DCC: variants seen among roughly 807,000 people sequenced by gnomAD.
The protein encoded by DCC is DCC netrin 1 receptor.
Under a neutral mutation model 172.5 loss-of-function variants are expected in DCC, and 58 were observed. The observed-to-expected ratio is 0.34, with a 90% CI of 0.27 to 0.42. DCC has a LOEUF of 0.42. Among genes scored for constraint, DCC ranks in the 10% least tolerant of loss-of-function variants. The probability of loss-of-function intolerance (pLI) is 1.00; values close to 1 mark genes in which losing one functional copy is unlikely to be tolerated. For synonymous variants in DCC, 709 were observed against 644.5 expected (o/e 1.10, Z -1.52); for missense variants, 1,740 against 1,791.0 (o/e 0.97, Z 0.51).
chr18:53,261,520 C>G (rs1449457622), intron 12 of DCC, among the ~76,000 whole-genome samples: 1 of 152,104 alleles, frequency 6.6e-6, no homozygotes, highest in African/African-American at 2.4e-5. Context: ...CTGATAGGCT[C>G]ACTGTTCCTG....
intron 8 of DCC, among the ~76,000 whole-genome samples, chr18:53,168,583 TA>T (rs1024603828): frequency 3.5e-5 from 4 of 114,932 alleles, no homozygotes; most frequent in African/African-American, 1.3e-4. Context: ...GCGGGGGGGC[TA>T]GGGGAGGGAT....
intron 14 of DCC, among the ~76,000 whole-genome samples, chr18:53,327,701 A>G (rs12959829): frequency 0.1 from 15,637 of 152,146 alleles, 865 homozygotes; most frequent in Middle Eastern, 0.19. Flanking sequence ...TTCGCTGCAA[A>G]TTCATTTCAT....
chr18:52,367,969 A>G (rs1013334644), intron 1 of DCC, among the ~76,000 whole-genome samples: 5 of 152,232 alleles, frequency 3.3e-5, no homozygotes, highest in Non-Finnish European at 7.3e-5. Flanking sequence ...GTTCCAGTCC[A>G]GATAGTGACA....
rs62083449 is a variant in DCC, at chr18:52,657,896, T to G, written c.92-94158T>G. Among the ~76,000 whole-genome samples, 1,460 of 152,270 alleles carry G rather than the reference T, an allele frequency of 9.6e-3. 13 individuals carry two copies. The highest frequency in any genetic ancestry group is 0.016 in the Non-Finnish European group (1,097 of 68,008). ...CACTTAACCTCTCTGGATCTCAACT[T>G]TCATGGTAAAAGTGATACAGATGAA... On this transcript the variant is annotated intron_variant, in intron 1 of 28. Coordinates refer to ENST00000442544, the MANE Select transcript of DCC (RefSeq NM_005215.4).
chr18:52,831,966 AAG>A (rs1399501814), intron 2 of DCC, among the ~76,000 whole-genome samples: 1 of 152,178 alleles, frequency 6.6e-6, no homozygotes, highest in Non-Finnish European at 1.5e-5. Context: ...ATGATTTAAA[AAG>A]AATTTTTAAA....
At chr18:53,019,947 T>C (rs1469743862) in intron 5 of DCC, among the ~76,000 whole-genome samples, 1 of 152,092 alleles carries the variant, frequency 6.6e-6, no homozygotes, top group Non-Finnish European at 1.5e-5. Flanking sequence ...TTAGAGAAAA[T>C]GGCATTTCCT....
At chr18:52,903,882 T>A (rs1005357651) in intron 2 of DCC, among the ~76,000 whole-genome samples, 1 of 152,238 alleles carries the variant, frequency 6.6e-6, no homozygotes. Context: ...ATTAACGTAC[T>A]TCTTTGGAAT....
intron 1 of DCC, among the ~76,000 whole-genome samples, chr18:52,461,014 C>G (rs8084816): frequency 1.6e-4 from 24 of 152,234 alleles, no homozygotes; most frequent in African/African-American, 5.5e-4. Flanking sequence ...AATTCTTTTG[C>G]TTTATAAACT....
In DCC at chr18:52,726,027, G is replaced by C. The variant is rs2036546520; in HGVS notation, c.92-26027G>C. Among the ~76,000 whole-genome samples, 6 of 152,184 alleles carry C rather than the reference G, an allele frequency of 3.9e-5. 1 individual carries two copies. The highest frequency in any genetic ancestry group is 3.9e-4 in the Admixed American group (6 of 15,270). ...AAAGATAAATAAATGGAAGGACAGA[G>C]AGATTAAACTAACTGCTCAAGGTCA... On this transcript the variant is annotated intron_variant, in intron 1 of 28. Transcript: ENST00000442544.
chr18:53,479,211 C>A (rs2045803227), intron 25 of DCC, among the ~76,000 whole-genome samples: 1 of 152,186 alleles, frequency 6.6e-6, no homozygotes, highest in South Asian at 2.1e-4. Context: ...TTACCTAATA[C>A]ATGATTTTAA....
chr18:52,524,337 A>C (rs2031913533), intron 1 of DCC, among the ~76,000 whole-genome samples: 1 of 152,216 alleles, frequency 6.6e-6, no homozygotes, highest in Admixed American at 6.5e-5. Flanking sequence ...TACAAAAAAT[A>C]TTCTAACAAA....
intron 2 of DCC, among the ~76,000 whole-genome samples, chr18:52,839,489 GA>G (rs1163645237): frequency 1.3e-5 from 2 of 152,142 alleles, no homozygotes; most frequent in Non-Finnish European, 2.9e-5. Flanking sequence ...CTCATTACAG[GA>G]AATGATTGCA....
chr18:52,875,687 C>G (rs939688752), intron 2 of DCC, among the ~76,000 whole-genome samples: 1 of 152,182 alleles, frequency 6.6e-6, no homozygotes, highest in African/African-American at 2.4e-5. Flanking sequence ...CCCTCATAAA[C>G]CCTGGGAGGC....
chr18:52,508,285 G>A (rs1145257), intron 1 of DCC, among the ~76,000 whole-genome samples: 50,379 of 151,884 alleles, frequency 0.33, 8,427 homozygotes, highest in East Asian at 0.37. Context: ...TGTAGTTATA[G>A]ATGTATTGGG....
Position 52,510,118 on chromosome 18 carries a change from TC to T in DCC, c.91+169241del, listed in dbSNP as rs1245471857. ...AAATTCTGTCCCCCCTGCATCCCCTTCAAAAAAAAAAAAAAAAGTCTAGTTA... is the reference window on the plus strand; with the variant it reads ...AAATTCTGTCCCCCCTGCATCCCCTTAAAAAAAAAAAAAAAAGTCTAGTTA... On this transcript the variant is annotated intron_variant, in intron 1 of 28. Transcript: ENST00000442544. Among the ~76,000 whole-genome samples, 21 of 114,760 alleles carry T rather than the reference TC, an allele frequency of 1.8e-4. No individual in the cohort carries two copies. The East Asian group carries it at 3.0e-3, about 16-fold the overall frequency. The allele number at this position is 114,760 out of a possible 152,430, so 75.3% of individuals were successfully genotyped here.
At chr18:53,429,230 G>A (rs72916471) in intron 21 of DCC, among the ~76,000 whole-genome samples, 60,678 of 141,906 alleles carry the variant, frequency 0.43, 14,787 homozygotes, top group Non-Finnish European at 0.55. Context: ...AAATAATGCA[G>A]TATTTGTAAA....
intron 15 of DCC, among the ~76,000 whole-genome samples, chr18:53,365,156 A>G (rs1419943329): frequency 6.7e-6 from 1 of 149,464 alleles, no homozygotes; most frequent in Non-Finnish European, 1.5e-5. Context: ...ATTCCCACCT[A>G]TGAGTGAGAA....
intron 11 of DCC, among the ~76,000 whole-genome samples, chr18:53,208,103 ATG>A (rs1276280565): frequency 3.4e-5 from 5 of 145,008 alleles, no homozygotes; most frequent in Non-Finnish European, 7.6e-5. Context: ...ATCTCTGTAA[ATG>A]TTTTTTTTTT....
At chr18:53,153,374 G>A (rs2144384917) in intron 7 of DCC, among the ~76,000 whole-genome samples, 1 of 152,048 alleles carries the variant, frequency 6.6e-6, no homozygotes, top group South Asian at 2.1e-4. Context: ...TAAATTTATA[G>A]GAATGAGAAT....
Sources: allele counts gnomAD v4.1 joint callset (sites outside exome capture counted in the v4.1 genomes callset), GRCh38; gene constraint gnomAD v4.1.1; transcripts MANE v1.5; gene names NCBI Gene and HGNC (gene_info 2026-07-23, HGNC 2026-07-21).